ERC1: variants seen among roughly 807,000 people sequenced by gnomAD.
ERC1 encodes the protein RAB6 interacting protein 2.
A neutral mutation model predicts 132.0 loss-of-function variants in ERC1; 56 were observed. The ratio of observed to expected loss-of-function variants is 0.42; its 90% CI spans 0.34 to 0.53. The LOEUF (loss-of-function observed/expected upper bound fraction) is 0.53. Among genes scored for constraint, ERC1 ranks in the 20% least tolerant of loss-of-function variants. The pLI is 0.03. For synonymous variants in ERC1, 478 were observed against 476.1 expected (o/e 1.00, Z -0.05); for missense variants, 1,202 against 1,349.9 (o/e 0.89, Z 1.72).
chr12:1,220,397 G>A (rs746438050), intron 12 of ERC1, among the ~76,000 whole-genome samples: 13 of 152,184 alleles, frequency 8.5e-5, no homozygotes, highest in Non-Finnish European at 1.9e-4. Flanking sequence ...CTGAATAGAT[G>A]TGCGAGGGCT....
At chr12:1,151,338 A>G (rs1306451760) in intron 8 of ERC1, among the ~76,000 whole-genome samples, 1 of 152,210 alleles carries the variant, frequency 6.6e-6, no homozygotes, top group African/African-American at 2.4e-5. Flanking sequence ...AAAGTAGTCA[A>G]CCTAATTCTA....
chr12:1,148,658 G>C (rs1207670532), intron 8 of ERC1, among the ~76,000 whole-genome samples: 1 of 152,154 alleles, frequency 6.6e-6, no homozygotes, highest in East Asian at 1.9e-4. Context: ...CCGGAGTGCA[G>C]TGGCGTGATA....
chr12:1,380,836 T>C (rs1462702123), intron 16 of ERC1: 1 of 152,188 alleles, frequency 6.6e-6, no homozygotes, highest in Non-Finnish European at 1.5e-5. Flanking sequence ...AAGATAACAA[T>C]GGTAGGATAA....
chr12:1,439,490 T>G (rs2093042584), intron 17 of ERC1, among the ~76,000 whole-genome samples: 1 of 152,238 alleles, frequency 6.6e-6, no homozygotes, highest in South Asian at 2.1e-4. Context: ...CTCTTAGTAC[T>G]TAACCAAAAA....
chr12:1,084,666 AG>A (rs1411606129), intron 3 of ERC1, among the ~76,000 whole-genome samples: 2 of 95,446 alleles, frequency 2.1e-5, no homozygotes, highest in African/African-American at 8.2e-5. Context: ...ATATGCTTCC[AG>A]TCATTTTTTT....
At position 1,214,661 on chromosome 12, in the gene ERC1, TACATAC is replaced by T. The variant is rs1439028700; in HGVS notation, c.2352-22104_2352-22099del. 5.5e-3 allele frequency among the ~76,000 whole-genome samples: 644 copies of T among 118,072 alleles called. 3 individuals carry two copies. The highest frequency in any genetic ancestry group is 0.032 in the African/African-American group (612 of 19,396). The allele number at this position is 118,072 out of a possible 152,430, so 77.5% of individuals were successfully genotyped here. On this transcript the variant is annotated intron_variant, in intron 12 of 18. Transcript: ENST00000360905. ...TAAAACATAAATATGCGTGTGTGTATACATACACACACACACACACACACACACACA... is the reference window on the plus strand; with the variant it reads ...TAAAACATAAATATGCGTGTGTGTATACACACACACACACACACACACACA...
chr12:1,263,025 A>G lies in ERC1; in HGVS notation c.2488-9A>G. 1.2e-6 allele frequency: 2 copies of G among 1,613,366 alleles called. No individual in the cohort carries two copies. The highest frequency in any genetic ancestry group is 1.7e-6 in the Non-Finnish European group (2 of 1,179,706). ...AATCCACTTCACCTAGTCTTCCATCATTTTCTAGGACAGTCTCCGTAAGAA... is the reference window on the plus strand; with the variant it reads ...AATCCACTTCACCTAGTCTTCCATCGTTTTCTAGGACAGTCTCCGTAAGAA... On this transcript the variant is annotated splice_polypyrimidine_tract_variant and intron_variant, in intron 13 of 18. Transcript: ENST00000360905.
intron 15 of ERC1, among the ~76,000 whole-genome samples, chr12:1,352,405 A>C (rs951172106): frequency 6.6e-6 from 1 of 152,232 alleles, no homozygotes; most frequent in Non-Finnish European, 1.5e-5. Flanking sequence ...GAATATGAGA[A>C]ATTTCCAAAT....
At chr12:1,325,028 C>A (rs1290610567) in intron 15 of ERC1, among the ~76,000 whole-genome samples, 1 of 152,028 alleles carries the variant, frequency 6.6e-6, no homozygotes, top group East Asian at 1.9e-4. Context: ...TTTAAAGTCT[C>A]TGAACTTTAA....
intron 15 of ERC1, among the ~76,000 whole-genome samples, chr12:1,348,596 G>A (rs1480083495): frequency 6.6e-6 from 1 of 152,094 alleles, no homozygotes; most frequent in East Asian, 1.9e-4. Flanking sequence ...GGGAGGCTGA[G>A]GCAGGAGATT....
chr12:1,372,710 C>T (rs1041121328), intron 16 of ERC1, among the ~76,000 whole-genome samples: 1 of 152,240 alleles, frequency 6.6e-6, no homozygotes, highest in Non-Finnish European at 1.5e-5. Flanking sequence ...CTGGGCGCAG[C>T]ATCCGCGTCC....
chr12:1,013,363 T>C (rs1233340073), intron 1 of ERC1, among the ~76,000 whole-genome samples: 1 of 152,174 alleles, frequency 6.6e-6, no homozygotes, highest in African/African-American at 2.4e-5. Flanking sequence ...AGAGAACTTA[T>C]AATTAACTTG....
At chr12:1,159,913 C>T (rs759350479) in intron 8 of ERC1, among the ~76,000 whole-genome samples, 2 of 152,154 alleles carry the variant, frequency 1.3e-5, no homozygotes, top group South Asian at 2.1e-4. Context: ...TCTTGTTTAA[C>T]GATGTAATGT....
chr12:1,040,516 C>T (rs980140555), intron 2 of ERC1, among the ~76,000 whole-genome samples: 2 of 152,008 alleles, frequency 1.3e-5, no homozygotes, highest in Non-Finnish European at 1.5e-5. Context: ...CCGTGTTAGC[C>T]GGGATGGTCT....
intron 1 of ERC1, among the ~76,000 whole-genome samples, chr12:1,004,722 G>A (rs1006470259): frequency 6.6e-6 from 1 of 151,544 alleles, no homozygotes; most frequent in Non-Finnish European, 1.5e-5. Flanking sequence ...ACATTTCTAA[G>A]CATTTTTTTC....
chr12:1,146,563 C>T (rs1211704742), intron 8 of ERC1, among the ~76,000 whole-genome samples: 8 of 150,002 alleles, frequency 5.3e-5, no homozygotes, highest in Admixed American at 4.7e-4. Flanking sequence ...TTTGGATGTC[C>T]GTGATTTCTT....
rs1376740371 is a variant in ERC1 at position 1,090,925 on chromosome 12, A to G, written c.1086+7345A>G. On this transcript the variant is annotated intron_variant, in intron 3 of 18. Transcript: ENST00000360905. ...TTATTATTATTATCATTTGTGACAGAGCTTTGCTCTGTCCCAGGCTGGAGT... is the reference window on the plus strand; with the variant it reads ...TTATTATTATTATCATTTGTGACAGGGCTTTGCTCTGTCCCAGGCTGGAGT... 1.1e-4 allele frequency among the ~76,000 whole-genome samples: 4 copies of G among 35,894 alleles called. 1 individual carries two copies. The highest frequency in any genetic ancestry group is 2.3e-4 in the African/African-American group (4 of 17,330). 23.5% of individuals were successfully genotyped at this position (35,894 alleles called of 152,430 possible).
intron 15 of ERC1, among the ~76,000 whole-genome samples, chr12:1,320,821 C>T (rs1283334317): frequency 1.3e-5 from 2 of 152,286 alleles, no homozygotes; most frequent in African/African-American, 4.8e-5. Flanking sequence ...CCTGCCTCAG[C>T]CTCCCGAGTA....
chr12:1,447,087 T>C (rs1016779494), intron 18 of ERC1, among the ~76,000 whole-genome samples: 2 of 151,178 alleles, frequency 1.3e-5, no homozygotes, highest in African/African-American at 4.9e-5. Context: ...TTGATATTGA[T>C]AACCATATAC....
Sources: gnomAD v4.1 joint callset for allele counts (sites outside exome capture counted in the v4.1 genomes callset) on GRCh38, gnomAD v4.1.1 for gene constraint, MANE v1.5 for transcripts, NCBI Gene and HGNC (gene_info 2026-07-23, HGNC 2026-07-21) for gene names.